Variants in PALM2AKAP2 observed in about 807,000 individuals in gnomAD.
The protein encoded by PALM2AKAP2 is PALM2 and AKAP2 fusion.
A neutral mutation model predicts 71.5 loss-of-function variants in PALM2AKAP2; 37 were observed. That is an observed-to-expected ratio of 0.52 (90% CI 0.40 to 0.68). PALM2AKAP2 has a LOEUF of 0.68. PALM2AKAP2 is among the 30% of genes least tolerant of loss of function. The pLI, the probability that PALM2AKAP2 is intolerant of heterozygous loss-of-function variation, is 0.00. For synonymous variants in PALM2AKAP2, 468 were observed against 478.8 expected (o/e 0.98, Z 0.29); for missense variants, 1,224 against 1,191.8 (o/e 1.03, Z -0.40).
At chr9:109,778,721 G>A (rs1050864440), upstream of PALM2AKAP2, among the ~76,000 whole-genome samples, 4 of 151,766 alleles carry the variant, frequency 2.6e-5, no homozygotes, top group African/African-American at 9.7e-5. Context: ...TAGTTGAAAT[G>A]GAAGCATTTA....
At chr9:110,117,976 T>TGTGTGG (rs1835403537) in intron 1 of PALM2AKAP2, among the ~76,000 whole-genome samples, 1 of 128,198 alleles carries the variant, frequency 7.8e-6, no homozygotes, top group South Asian at 2.4e-4. Flanking sequence ...TGTCGTTTTG[T>TGTGTGG]GTGTGTGTGT....
intron 3 of PALM2AKAP2, among the ~76,000 whole-genome samples, chr9:110,157,449 A>T (rs1836485826): frequency 6.6e-6 from 1 of 151,940 alleles, no homozygotes; most frequent in African/African-American, 2.4e-5. Context: ...CCCAGGCTGG[A>T]ATGCATTGAT....
intron 2 of PALM2AKAP2, among the ~76,000 whole-genome samples, chr9:109,874,333 A>G (rs1829672078): frequency 6.6e-6 from 1 of 152,222 alleles, no homozygotes; most frequent in Admixed American, 6.5e-5. Context: ...GCAAAAAAGA[A>G]AAAAGGATTC....
intron 1 of PALM2AKAP2, among the ~76,000 whole-genome samples, chr9:110,095,969 G>A (rs1316788009): frequency 1.3e-5 from 2 of 152,202 alleles, no homozygotes; most frequent in East Asian, 1.9e-4. Flanking sequence ...GTTCAATCAA[G>A]TCACTGAATC....
intron 1 of PALM2AKAP2, among the ~76,000 whole-genome samples, chr9:109,715,300 G>C (rs1250616763): frequency 1.3e-5 from 2 of 152,160 alleles, no homozygotes; most frequent in Non-Finnish European, 2.9e-5. Context: ...AGTCAAAAAG[G>C]TTTTGGGGAC....
At chr9:109,764,255 C>T (rs1829108556) in intron 1 of PALM2AKAP2, among the ~76,000 whole-genome samples, 1 of 152,144 alleles carries the variant, frequency 6.6e-6, no homozygotes, top group South Asian at 2.1e-4. Context: ...ATCTGACATG[C>T]TGAACTAGAC....
intron 6 of PALM2AKAP2, among the ~76,000 whole-genome samples, chr9:109,947,668 G>A (rs968285814): frequency 1.3e-5 from 2 of 152,178 alleles, no homozygotes. Flanking sequence ...TAGAAGCTCA[G>A]TCATCTCTGC....
intron 1 of PALM2AKAP2, among the ~76,000 whole-genome samples, chr9:110,062,800 C>T (rs1833991170): frequency 6.6e-6 from 1 of 152,250 alleles, no homozygotes; most frequent in African/African-American, 2.4e-5. Flanking sequence ...ACCCCAAACT[C>T]ATTTAGCCAA....
chr9:109,899,969 AAC>A (rs1166349920), intron 3 of PALM2AKAP2, among the ~76,000 whole-genome samples: 1 of 152,164 alleles, frequency 6.6e-6, no homozygotes, highest in Non-Finnish European at 1.5e-5. Flanking sequence ...CCTAGGGGTA[AAC>A]ACACTACAGT....
At chr9:109,827,931 A>G (rs924720725) in intron 1 of PALM2AKAP2, among the ~76,000 whole-genome samples, 2 of 152,228 alleles carry the variant, frequency 1.3e-5, no homozygotes, top group African/African-American at 2.4e-5. Flanking sequence ...AAGACCAAAC[A>G]TTGTAAGAAA....
chr9:110,016,910 C>T (rs928046511), intron 7 of PALM2AKAP2, among the ~76,000 whole-genome samples: 2 of 152,090 alleles, frequency 1.3e-5, no homozygotes, highest in Non-Finnish European at 2.9e-5. Context: ...GACGGAGTCT[C>T]TCTCTTTTGC....
intron 1 of PALM2AKAP2, among the ~76,000 whole-genome samples, chr9:110,114,628 C>G (rs1425670630): frequency 2.0e-5 from 3 of 152,156 alleles, no homozygotes; most frequent in Non-Finnish European, 4.4e-5. Flanking sequence ...TGTGTACTTC[C>G]CACCGTATCA....
intron 1 of PALM2AKAP2, among the ~76,000 whole-genome samples, chr9:109,842,957 G>A (rs1237683791): frequency 6.6e-6 from 1 of 151,858 alleles, no homozygotes; most frequent in African/African-American, 2.4e-5. Flanking sequence ...ACCGACCAAC[G>A]TGGAGAAACC....
chr9:110,141,934 T>C (rs911768824), intron 2 of PALM2AKAP2, among the ~76,000 whole-genome samples: 9 of 152,166 alleles, frequency 5.9e-5, no homozygotes, highest in African/African-American at 2.2e-4. Flanking sequence ...GGTGTGGAAA[T>C]GCTATTTGTT....
intron 1 of PALM2AKAP2, among the ~76,000 whole-genome samples, chr9:110,111,487 G>T (rs1835251017): frequency 6.6e-6 from 1 of 152,220 alleles, no homozygotes. Context: ...GCATTGCATA[G>T]TGAAATTGAG....
chr9:110,016,903 G>A lies in PALM2AKAP2; in HGVS notation c.582+864G>A, dbSNP rs534251793. Among the ~76,000 whole-genome samples the A allele has an allele frequency of 1.6e-3, 242 of 151,616 alleles. 1 individual carries two copies. Among genetic ancestry groups the A allele is most frequent in the African/African-American group, 5.4e-3 (225 of 41,364 alleles). ...GGAGATATTTCTTTTTTTTTGAGAC[G>A]GAGTCTCTCTCTTTTGCCCAGGCCG... On this transcript the variant is annotated intron_variant, in intron 7 of 9. Coordinates refer to the PALM2AKAP2 transcript ENST00000302798.
chr9:109,911,427 G>A (rs1416406057), intron 3 of PALM2AKAP2, among the ~76,000 whole-genome samples: 1 of 152,186 alleles, frequency 6.6e-6, no homozygotes, highest in Non-Finnish European at 1.5e-5. Flanking sequence ...GAAAAGGAGA[G>A]AAAAGCTGGT....
intron 1 of PALM2AKAP2, among the ~76,000 whole-genome samples, chr9:109,762,607 C>A (rs1275890545): frequency 6.6e-6 from 1 of 152,288 alleles, no homozygotes; most frequent in East Asian, 1.9e-4. Flanking sequence ...ATACAGCAGC[C>A]TTTGTGCTTT....
intron 7 of PALM2AKAP2, among the ~76,000 whole-genome samples, chr9:110,029,239 A>G (rs1833236800): frequency 6.6e-6 from 1 of 152,206 alleles, no homozygotes; most frequent in Non-Finnish European, 1.5e-5. Context: ...CAATCTGGGT[A>G]TATCATGACT....
Sources: allele counts gnomAD v4.1 joint callset (sites outside exome capture counted in the v4.1 genomes callset), GRCh38; gene constraint gnomAD v4.1.1; transcripts MANE v1.5; gene names NCBI Gene and HGNC (gene_info 2026-07-23, HGNC 2026-07-21).